GNA14: variants seen among roughly 807,000 people sequenced by gnomAD.
GNA14 encodes the protein guanine nucleotide-binding protein subunit alpha-14.
In GNA14, 50 loss-of-function variants were observed where a neutral mutation model predicts 42.0. The observed-to-expected ratio is 1.19, with a 90% CI of 0.95 to 1.51. The LOEUF is 1.51. Ranked by LOEUF, GNA14 falls within the 40% of genes most tolerant of loss-of-function variation. The probability of loss-of-function intolerance (pLI) is 0.00; values close to 1 mark genes in which losing one functional copy is unlikely to be tolerated. For synonymous variants in GNA14, 173 were observed against 163.1 expected (o/e 1.06, Z -0.46); for missense variants, 473 against 446.2 (o/e 1.06, Z -0.54).
At chr9:77,637,125 C>CA (rs1315176460) in intron 1 of GNA14, among the ~76,000 whole-genome samples, 9 of 152,170 alleles carry the variant, frequency 5.9e-5, no homozygotes, top group African/African-American at 2.2e-4. Flanking sequence ...GTGATGTTTA[C>CA]AGCTCCTGGA....
intron 2 of GNA14, among the ~76,000 whole-genome samples, chr9:77,498,021 C>T (rs745581385): frequency 2.0e-5 from 3 of 152,184 alleles, no homozygotes; most frequent in Non-Finnish European, 2.9e-5. Context: ...ATTTGCTTGT[C>T]ACTGCAAATT....
chr9:77,589,811 AAAC>A (rs1226843341), intron 1 of GNA14, among the ~76,000 whole-genome samples: 1 of 152,206 alleles, frequency 6.6e-6, no homozygotes, highest in African/African-American at 2.4e-5. Context: ...TGACTTCCTA[AAAC>A]AACACACTAT....
At chr9:77,534,093 C>T (rs1002245314) in intron 1 of GNA14, among the ~76,000 whole-genome samples, 1 of 152,182 alleles carries the variant, frequency 6.6e-6, no homozygotes, top group African/African-American at 2.4e-5. Context: ...AAGTGAAAGA[C>T]CAGTATTATT....
chr9:77,588,411 T>C (rs1198818816), intron 1 of GNA14, among the ~76,000 whole-genome samples: 2 of 152,220 alleles, frequency 1.3e-5, no homozygotes, highest in African/African-American at 2.4e-5. Flanking sequence ...CAGGACTTGG[T>C]GATTTCTTGA....
chr9:77,537,439 C>A (rs2131774156), intron 1 of GNA14, among the ~76,000 whole-genome samples: 1 of 152,284 alleles, frequency 6.6e-6, no homozygotes, highest in Non-Finnish European at 1.5e-5. Context: ...TGAATAGTAT[C>A]CCACTATGTA....
At chr9:77,577,061 T>C (rs1823140629) in intron 1 of GNA14, among the ~76,000 whole-genome samples, 1 of 152,202 alleles carries the variant, frequency 6.6e-6, no homozygotes, top group African/African-American at 2.4e-5. Context: ...TTGAAACAGT[T>C]ATACTCCTAT....
intron 1 of GNA14, among the ~76,000 whole-genome samples, chr9:77,554,819 A>C (rs1178726158): frequency 2.0e-5 from 3 of 152,330 alleles, no homozygotes; most frequent in East Asian, 1.9e-4. Context: ...GTGACAATTA[A>C]AGACAAAATC....
intron 1 of GNA14, among the ~76,000 whole-genome samples, chr9:77,620,430 TATA>T (rs1011715042): frequency 1.3e-5 from 2 of 152,228 alleles, no homozygotes; most frequent in Non-Finnish European, 2.9e-5. Flanking sequence ...ATGCAGCAAG[TATA>T]ATAAGGAATG....
At chr9:77,626,784 A>G (rs188415163) in intron 1 of GNA14, among the ~76,000 whole-genome samples, 2 of 152,360 alleles carry the variant, frequency 1.3e-5, no homozygotes, top group African/African-American at 4.8e-5. Context: ...AGAAAGTGGG[A>G]AAGATCTAAA....
intron 2 of GNA14, among the ~76,000 whole-genome samples, chr9:77,491,492 A>C (rs7044135): frequency 0.6 from 91,231 of 152,044 alleles, 28,306 homozygotes; most frequent in East Asian, 0.84. Flanking sequence ...ATGAAAACTG[A>C]AAAAGAGCAG....
At position 77,428,951 on chromosome 9, in the gene GNA14, C is replaced by A; in HGVS notation, c.679G>T (p.Ala227Ser). ...ESVTSIIFLV[A>S]LSEYDQVLAE... ...AGGACCTGGTCATATTCACTCAGAGCAACCAAGAAAATAATGGAGGTGACA... is the reference window on the plus strand; with the variant it reads ...AGGACCTGGTCATATTCACTCAGAGAAACCAAGAAAATAATGGAGGTGACA... Residue 227 changes from alanine (A) to serine (S), a missense_variant, in exon 5 of 7, where the codon GCT (alanine) becomes TCT (serine). Ala to Ser is a moderately conservative substitution (Grantham distance 99). Transcript: ENST00000341700. 1 of 1,614,016 alleles carries A rather than the reference C, an allele frequency of 6.2e-7. No individual in the cohort carries two copies. The highest frequency in any genetic ancestry group is 8.5e-7 in the Non-Finnish European group (1 of 1,179,910).
chr9:77,511,465 G>GT (rs1837168158), intron 2 of GNA14, among the ~76,000 whole-genome samples: 1 of 152,186 alleles, frequency 6.6e-6, no homozygotes, highest in Non-Finnish European at 1.5e-5. Context: ...AATGGGAAGC[G>GT]TAACACATGT....
At chr9:77,471,529 T>A (rs1836329600) in intron 2 of GNA14, among the ~76,000 whole-genome samples, 1 of 151,984 alleles carries the variant, frequency 6.6e-6, no homozygotes, top group Non-Finnish European at 1.5e-5. Context: ...GAAAGACTGA[T>A]AAGAAAGATA....
intron 1 of GNA14, among the ~76,000 whole-genome samples, chr9:77,633,143 C>T (rs1824125619): frequency 6.6e-6 from 1 of 152,080 alleles, no homozygotes; most frequent in African/African-American, 2.4e-5. Flanking sequence ...ATGATAAGTA[C>T]AATTTCAAAC....
chr9:77,621,489 C>T (rs1352125424), intron 1 of GNA14, among the ~76,000 whole-genome samples: 1 of 152,206 alleles, frequency 6.6e-6, no homozygotes, highest in Non-Finnish European at 1.5e-5. Context: ...TTCACCAGAC[C>T]ATGCCTAATT....
intron 1 of GNA14, 26 bp from the exon 2 acceptor site, chr9:77,529,279 G>T (rs368864993): frequency 6.4e-7 from 1 of 1,574,720 alleles, no homozygotes; most frequent in Non-Finnish European, 8.7e-7. Flanking sequence ...AGTGGAAAAC[G>T]CTGTCAGCAG....
intron 1 of GNA14, among the ~76,000 whole-genome samples, chr9:77,632,586 G>A (rs904243757): frequency 6.6e-6 from 1 of 152,278 alleles, no homozygotes; most frequent in African/African-American, 2.4e-5. Context: ...AGACCTAGGC[G>A]TCCCCTAAGC....
chr9:77,464,373 G>GTATA (rs1564022425), intron 2 of GNA14, among the ~76,000 whole-genome samples: 1 of 145,220 alleles, frequency 6.9e-6, no homozygotes. Context: ...GTGTGTGTGT[G>GTATA]TGTGTGTGTG....
chr9:77,506,490 A>G (rs1215471856), intron 2 of GNA14, among the ~76,000 whole-genome samples: 1 of 152,056 alleles, frequency 6.6e-6, no homozygotes, highest in Non-Finnish European at 1.5e-5. Context: ...CATTCTGGCC[A>G]GTGTGGTGAA....
Sources: allele counts gnomAD v4.1 joint callset (sites outside exome capture counted in the v4.1 genomes callset), GRCh38; gene constraint gnomAD v4.1.1; transcripts MANE v1.5; gene names NCBI Gene and HGNC (gene_info 2026-07-23, HGNC 2026-07-21).